Variants in PPP2R3B observed in about 807,000 individuals in gnomAD.
PPP2R3B encodes the protein protein phosphatase 2 regulatory subunit B''beta, also known as serine/threonine-protein phosphatase 2A regulatory subunit B'' subunit beta.
A neutral mutation model predicts 72.9 loss-of-function variants in PPP2R3B; 68 were observed. The ratio of observed to expected loss-of-function variants is 0.93; its 90% CI spans 0.77 to 1.14. The LOEUF is 1.14. PPP2R3B is among the 50% of genes most tolerant of loss of function. The pLI, the probability that PPP2R3B is intolerant of heterozygous loss-of-function variation, is 0.00. For missense variants in PPP2R3B, 1,018 were observed against 842.0 expected, an observed-to-expected ratio of 1.21 and a Z score of -2.59; for synonymous variants, 466 against 375.8, an observed-to-expected ratio of 1.24 and a Z score of -2.78.
chrX:342,459 G>A (rs1181344980), intron 7 of PPP2R3B, among the ~76,000 whole-genome samples: 1 of 116,026 alleles, frequency 8.6e-6, no homozygotes, highest in Non-Finnish European at 1.8e-5. Flanking sequence ...CGGGAGGCGG[G>A]AGGGAGACCT....
At chrX:347,159 TCCCATGAGGCATGCGGTGTAGACGCG>T (rs2071237220) in intron 4 of PPP2R3B, 49 bp downstream of exon 4, 7 of 81,484 alleles carry the variant, frequency 8.6e-5, no homozygotes, top group Non-Finnish European at 1.3e-4. Context: ...ACGCCGGCCC[TCCCATGAGGCATGCGGTGTAGACGCG>T]GGCCCTCCCG....
At chrX:344,749 C>G (rs2071160130) in intron 7 of PPP2R3B, 1 of 245,802 alleles carries the variant, frequency 4.1e-6, no homozygotes, top group Admixed American at 5.2e-5. Context: ...GGGAATGCTA[C>G]GTCTGCTCAG....
chrX:356,719 G>A (rs958363908), intron 2 of PPP2R3B, among the ~76,000 whole-genome samples: 1 of 152,100 alleles, frequency 6.6e-6, no homozygotes, highest in Non-Finnish European at 1.5e-5. Flanking sequence ...GGGAGAGATG[G>A]AGCACACACA....
Position 333,960 on chromosome X carries a change from A to C in PPP2R3B, c.*407T>G, listed in dbSNP as rs2070812685. ...CTCCAAACGTACAAGCGTGATCGCC[A>C]GAAACGGTTTTGTACGTTTACACAA... On this transcript the variant is annotated 3_prime_UTR_variant, in exon 13 of 13. Coordinates refer to ENST00000390665, the MANE Select transcript of PPP2R3B (RefSeq NM_013239.5). 5.9e-6 allele frequency: 1 copy of C among 169,120 alleles called. No individual in the cohort carries two copies. The highest frequency in any genetic ancestry group is 1.3e-5 in the Non-Finnish European group (1 of 79,726). 10.5% of individuals were successfully genotyped at this position (169,120 alleles called of 1,614,324 possible). A position where few individuals can be genotyped will look rare whatever the true frequency, so the allele number is the denominator to read the frequency against.
chrX:341,250 C>T (rs1365913301), intron 9 of PPP2R3B, 57 bp downstream of exon 9: 10 of 1,586,456 alleles, frequency 6.3e-6, no homozygotes, highest in Non-Finnish European at 8.6e-6. Context: ...ACACATGTCA[C>T]ATGGGCGGCT....
chrX:340,347 T>C (rs941179704), intron 10 of PPP2R3B, among the ~76,000 whole-genome samples: 14 of 151,466 alleles, frequency 9.2e-5, no homozygotes, highest in East Asian at 4.0e-4. Flanking sequence ...ACGCCCCGAA[T>C]AGGAGGTTCT....
At chrX:379,324 CGTGTGTATGCACCTGTTATGCACCT>C (rs1415203250) in intron 1 of PPP2R3B, among the ~76,000 whole-genome samples, 159 of 142,100 alleles carry the variant, frequency 1.1e-3, no homozygotes, top group Non-Finnish European at 1.8e-3. Flanking sequence ...TGTGTGTATG[CGTGTGTATGCACCTGTTATGCACCT>C]GTGTGTATGC....
At chrX:341,083 C>CCCTGCCG in intron 9 of PPP2R3B, 143 bp from the exon 10 acceptor site, 1 of 1,255,994 alleles carries the variant, frequency 8.0e-7, no homozygotes, top group Non-Finnish European at 1.1e-6. Flanking sequence ...ATCCCCTGCC[C>CCCTGCCG]CCTGCCGCCC....
In PPP2R3B at chrX:386,670, G is replaced by A. The variant is rs1490849988; in HGVS notation, c.22C>T (p.Gln8Ter). ...TCCACCTTCATCTTCAGGACCGGCT[G>A]CAGCACTTTGCCGGGCGGCATGGCG... MPPGKVLQPVLKMKVDEL... is the reference protein window; with the variant it reads MPPGKVL Residue 8 changes from glutamine to a stop codon, truncating the protein, a stop_gained, in exon 1 of 13, where the codon CAG (glutamine) becomes TAG (stop). Transcript: ENST00000390665. LOFTEE classifies it high-confidence loss of function. 6 of 1,332,316 alleles carry A rather than the reference G, an allele frequency of 4.5e-6. No homozygotes were observed. The highest frequency in any genetic ancestry group is 5.7e-6 in the Non-Finnish European group (6 of 1,044,242). The allele number at this position is 1,332,316 out of a possible 1,614,324, so 82.5% of individuals were successfully genotyped here. A position where few individuals can be genotyped will look rare whatever the true frequency, so the allele number is the denominator to read the frequency against.
chrX:372,308 G>C (rs1405264509), intron 1 of PPP2R3B, among the ~76,000 whole-genome samples: 1 of 152,206 alleles, frequency 6.6e-6, no homozygotes, highest in Non-Finnish European at 1.5e-5. Flanking sequence ...AGATCTTACA[G>C]AAAAAATTTC....
chrX:384,261 A>ACTCTCTCTCTCT (rs766359373), intron 1 of PPP2R3B, among the ~76,000 whole-genome samples: 1 of 142,420 alleles, frequency 7.0e-6, no homozygotes, highest in South Asian at 2.2e-4. Context: ...ACGCAAGAAG[A>ACTCTCTCTCTCT]CTCTCTCTCT....
intron 2 of PPP2R3B, among the ~76,000 whole-genome samples, chrX:356,865 G>A (rs1300479490): frequency 1.1e-5 from 1 of 92,578 alleles, no homozygotes; most frequent in Non-Finnish European, 2.3e-5. Flanking sequence ...CACACAGCGA[G>A]CCCCACAGTA....
Position 361,684 on chromosome X carries a change from G to A in PPP2R3B, c.325-94C>T, listed in dbSNP as rs2071544984. On this transcript the variant is annotated intron_variant, in intron 1 of 12. Coordinates refer to ENST00000390665, the MANE Select transcript of PPP2R3B (RefSeq NM_013239.5). ...ACACGGGGCCTCTCTAGGGCCGACA[G>A]TGCTGAGGCCACCTGATCCCAGCCG... 1.4e-5 allele frequency: 20 copies of A among 1,439,516 alleles called. No individual in the cohort carries two copies. In the South Asian group the frequency reaches 2.1e-4, roughly 15 times the overall value. The allele number at this position is 1,439,516 out of a possible 1,614,324, so 89.2% of individuals were successfully genotyped here.
chrX:386,789 G>T lies in PPP2R3B; in HGVS notation c.-98C>A. ...GACCGACCTCGGTGATGCGAGCACGGCCCGCTGAGGGGGCGCGGCGCAGGG... is the reference window on the plus strand; with the variant it reads ...GACCGACCTCGGTGATGCGAGCACGTCCCGCTGAGGGGGCGCGGCGCAGGG... On this transcript the variant is annotated 5_prime_UTR_variant, in exon 1 of 13. Coordinates refer to ENST00000390665, the MANE Select transcript of PPP2R3B (RefSeq NM_013239.5). The T allele has an allele frequency of 1.4e-6, 1 of 702,192 alleles. No homozygotes were observed. Among genetic ancestry groups the T allele is most frequent in the Non-Finnish European group, 1.9e-6 (1 of 530,796 alleles). 43.5% of individuals were successfully genotyped at this position (702,192 alleles called of 1,614,324 possible).
At chrX:334,782 C>T (rs1004306471) in intron 12 of PPP2R3B, 3 of 405,808 alleles carry the variant, frequency 7.4e-6, no homozygotes, top group South Asian at 7.5e-5. Flanking sequence ...ACACAGAGGA[C>T]CTGGGCGGGC....
At chrX:351,740 C>T (rs1360732417) in intron 2 of PPP2R3B, among the ~76,000 whole-genome samples, 1 of 151,396 alleles carries the variant, frequency 6.6e-6, no homozygotes, top group Non-Finnish European at 1.5e-5. Flanking sequence ...TTGCTGTTGC[C>T]CAGGCTGGAG....
At chrX:374,360 C>T (rs971488051) in intron 1 of PPP2R3B, among the ~76,000 whole-genome samples, 3 of 152,212 alleles carry the variant, frequency 2.0e-5, no homozygotes, top group African/African-American at 7.2e-5. Flanking sequence ...TCCCGGCAGC[C>T]CGGCATCAAA....
chrX:335,750 G>C (rs1450012525), intron 12 of PPP2R3B: 1 of 152,222 alleles, frequency 6.6e-6, no homozygotes, highest in Admixed American at 6.5e-5. Context: ...CACACACAAA[G>C]TCAGTATCAG....
chrX:364,699 C>T (rs1352677640), intron 1 of PPP2R3B, among the ~76,000 whole-genome samples: 1 of 62,836 alleles, frequency 1.6e-5, no homozygotes, highest in African/African-American at 1.1e-4. Context: ...GCCTGGGCGA[C>T]AGAGTGAGAC....
Sources: allele counts gnomAD v4.1 joint callset (sites outside exome capture counted in the v4.1 genomes callset), GRCh38; gene constraint gnomAD v4.1.1; transcripts MANE v1.5; gene names NCBI Gene and HGNC (gene_info 2026-07-23, HGNC 2026-07-21).